MTCH2: variants seen among roughly 807,000 people sequenced by gnomAD.
The protein encoded by MTCH2 is mitochondrial carrier 2.
Under a neutral mutation model 50.6 loss-of-function variants are expected in MTCH2, and 25 were observed. The ratio of observed to expected loss-of-function variants is 0.49; its 90% CI spans 0.36 to 0.69. The LOEUF is 0.69. MTCH2 is among the 30% of genes least tolerant of loss of function. The pLI, the probability that MTCH2 is intolerant of heterozygous loss-of-function variation, is 0.00. For synonymous variants in MTCH2, 106 were observed against 132.0 expected (o/e 0.80, Z 1.35); for missense variants, 273 against 384.4 (o/e 0.71, Z 2.42).
rs781072559 is a variant in MTCH2 at position 47,642,367 on chromosome 11, G to T, written c.87+12C>A. The T allele has an allele frequency of 2.8e-6, 4 of 1,405,782 alleles. No homozygotes were observed. The South Asian group carries it at 5.4e-5, about 19-fold the overall frequency. 87.1% of individuals were successfully genotyped at this position (1,405,782 alleles called of 1,614,324 possible). On this transcript the variant is annotated intron_variant, in intron 1 of 12. Coordinates refer to ENST00000302503, the MANE Select transcript of MTCH2 (RefSeq NM_014342.4). The stretch of plus-strand genomic sequence containing the variant: ...GGCGCCGGGCGGGGTAGGGAGCGGC[G>T]ACGCCTCATACCTGGATGAGCACTT...
chr11:47,642,127 A>AGGGCC (rs2097314802), intron 1 of MTCH2, among the ~76,000 whole-genome samples: 1 of 152,172 alleles, frequency 6.6e-6, no homozygotes, highest in Non-Finnish European at 1.5e-5. Context: ...CGGGCAGGGC[A>AGGGCC]GGGCCGGGTG....
the MTCH2 span, among the ~76,000 whole-genome samples, chr11:47,605,263 A>C: frequency 0.99 from 150,112 of 152,250 alleles, 74,035 homozygotes; most frequent in Middle Eastern, 1. Flanking sequence ...CCCCTTTGTA[A>C]CTAAAATAAC....
chr11:47,624,007 G>A (rs1289312948), intron 11 of MTCH2, among the ~76,000 whole-genome samples: 1 of 152,072 alleles, frequency 6.6e-6, no homozygotes, highest in East Asian at 1.9e-4. Context: ...AACCAAGATC[G>A]CGCCACCACA....
intron 12 of MTCH2, among the ~76,000 whole-genome samples, chr11:47,620,819 G>A (rs929287898): frequency 1.3e-5 from 2 of 152,144 alleles, no homozygotes; most frequent in Admixed American, 1.3e-4. Context: ...TATGTGAAAT[G>A]GGTGATTAAG....
In MTCH2 at chr11:47,623,868, A is replaced by G. The variant is rs555797931; in HGVS notation, c.750-1092T>C. On this transcript the variant is annotated intron_variant, in intron 11 of 12. Coordinates refer to ENST00000302503, the MANE Select transcript of MTCH2 (RefSeq NM_014342.4). ...GGAGTTCGAGACCAGCCTGGCCAAC[A>G]TGGTGAAACACTGTCTCTACTAGAA... Among the ~76,000 whole-genome samples the G allele has an allele frequency of 5.9e-5, 9 of 152,304 alleles. No homozygotes were observed. In the South Asian group the frequency reaches 8.3e-4, roughly 14 times the overall value.
chr11:47,610,720 CT>C, the MTCH2 span, among the ~76,000 whole-genome samples: 1 of 152,078 alleles, frequency 6.6e-6, no homozygotes, highest in Non-Finnish European at 1.5e-5. Context: ...GAAAAGAAAA[CT>C]GTAATGAGTA....
At chr11:47,614,733 C>T (rs1410812956), downstream of MTCH2, among the ~76,000 whole-genome samples, 1 of 152,174 alleles carries the variant, frequency 6.6e-6, no homozygotes, top group East Asian at 1.9e-4. Flanking sequence ...AGGCATGCGC[C>T]TCCATACCTA....
At chr11:47,631,596 A>G (rs1565970470) in intron 6 of MTCH2, 58 bp downstream of exon 6, 3 of 1,548,532 alleles carry the variant, frequency 1.9e-6, no homozygotes, top group Non-Finnish European at 1.8e-6. Context: ...CAACCTATCT[A>G]AGTGGTCAGG....
intron 8 of MTCH2, among the ~76,000 whole-genome samples, chr11:47,629,696 A>G (rs1169218920): frequency 1.3e-5 from 2 of 152,078 alleles, no homozygotes; most frequent in Admixed American, 1.3e-4. Context: ...TGTCCTGCCT[A>G]TCTCACAGGG....
At chr11:47,631,762 T>C in intron 5 of MTCH2, 51 bp from the exon 6 acceptor site, 1 of 1,592,430 alleles carries the variant, frequency 6.3e-7, no homozygotes, top group Middle Eastern at 1.7e-4. Context: ...GACACTCAAA[T>C]GCCTGTGAGA....
chr11:47,623,265 G>C (rs2097294930), intron 11 of MTCH2, among the ~76,000 whole-genome samples: 2 of 151,678 alleles, frequency 1.3e-5, no homozygotes, highest in African/African-American at 4.8e-5. Context: ...CCGGCTACTT[G>C]GGAGGCTAAG....
intron 7 of MTCH2, 128 bp from the exon 8 acceptor site, chr11:47,630,742 C>G: frequency 1.2e-6 from 1 of 852,792 alleles, no homozygotes; most frequent in Non-Finnish European, 1.8e-6. Flanking sequence ...TTCTAGCACT[C>G]TCTCACTCTG....
intron 1 of MTCH2, among the ~76,000 whole-genome samples, chr11:47,641,842 TTCTC>T (rs1031784095): frequency 6.6e-6 from 1 of 152,160 alleles, no homozygotes; most frequent in Non-Finnish European, 1.5e-5. Flanking sequence ...CTCCTTGTGT[TTCTC>T]TCAGTATCTG....
intron 5 of MTCH2, among the ~76,000 whole-genome samples, chr11:47,633,526 ATTTTTTTT>A (rs869251946): frequency 0.01 from 365 of 35,020 alleles, 3 homozygotes; most frequent in South Asian, 0.051. Context: ...ATATATATAT[ATTTTTTTT>A]TTTTTTTTTT....
chr11:47,638,229 C>T (rs926613319), intron 3 of MTCH2, among the ~76,000 whole-genome samples: 2 of 133,610 alleles, frequency 1.5e-5, no homozygotes, highest in Middle Eastern at 3.9e-3. Context: ...TGACAACTGC[C>T]TTTCCATATG....
chr11:47,605,307 G>C, the MTCH2 span, among the ~76,000 whole-genome samples: 3 of 152,110 alleles, frequency 2.0e-5, no homozygotes, highest in Non-Finnish European at 4.4e-5. Flanking sequence ...TTTTTAAGCA[G>C]CTGCTCCATT....
intron 5 of MTCH2, among the ~76,000 whole-genome samples, chr11:47,633,923 A>AT (rs1310173424): frequency 3.3e-5 from 5 of 152,158 alleles, no homozygotes; most frequent in African/African-American, 1.2e-4. Context: ...GACTTAAGTA[A>AT]TAAGAGAATA....
downstream of MTCH2, among the ~76,000 whole-genome samples, chr11:47,614,538 C>T (rs2097287273): frequency 6.6e-6 from 1 of 152,044 alleles, no homozygotes; most frequent in South Asian, 2.1e-4. Flanking sequence ...ACCATTTTTG[C>T]CCACTGCAAC....
the MTCH2 span, among the ~76,000 whole-genome samples, chr11:47,605,161 C>T: frequency 2.5e-4 from 38 of 152,220 alleles, no homozygotes; most frequent in East Asian, 6.0e-3. Context: ...TAGATCTGAC[C>T]TCGTGATCCG....
Sources: gnomAD v4.1 joint callset for allele counts (sites outside exome capture counted in the v4.1 genomes callset) on GRCh38, gnomAD v4.1.1 for gene constraint, MANE v1.5 for transcripts, NCBI Gene and HGNC (gene_info 2026-07-23, HGNC 2026-07-21) for gene names.